TMEM132B: variants seen among roughly 807,000 people sequenced by gnomAD.
TMEM132B encodes transmembrane protein 132B.
TMEM132B carries 18 observed loss-of-function variants against 90.8 expected under a neutral mutation model. The ratio of observed to expected loss-of-function variants is 0.20; its 90% CI spans 0.14 to 0.29. TMEM132B has a LOEUF of 0.29. Among genes scored for constraint, TMEM132B ranks in the 10% least tolerant of loss-of-function variants. The pLI is 1.00. For missense variants in TMEM132B, 1,096 were observed against 1,326.8 expected, an observed-to-expected ratio of 0.83 and a Z score of 2.70; for synonymous variants, 504 against 523.3, an observed-to-expected ratio of 0.96 and a Z score of 0.50.
intron 2 of TMEM132B, among the ~76,000 whole-genome samples, chr12:125,352,116 G>A (rs1877606771): frequency 6.6e-6 from 1 of 152,182 alleles, no homozygotes; most frequent in Non-Finnish European, 1.5e-5. Context: ...AGACTGTGAG[G>A]TTCAAGTGCT....
Position 125,415,653 on chromosome 12 carries a change from G to T in TMEM132B, c.1082G>T (p.Gly361Val). ...ACGTCGGCCACCCTCACCTGCATGG[G>T]CCATCGCCCGGACACGCAGAGCAGG... ...TQTSATLTCMGHRPDTQSRVN... is the reference protein window; with the variant it reads ...TQTSATLTCMVHRPDTQSRVN... The change falls in exon 3 of 9, where the codon GGC (glycine) becomes GTC (valine). Residue 361 changes from glycine (G) to valine (V), a missense_variant. Physicochemically the swap from Gly to Val is moderately radical, Grantham distance 109 (BLOSUM62 -3). Coordinates refer to ENST00000682704, the MANE Select transcript of TMEM132B (RefSeq NM_001366854.1). This position sits in a 1 kb window ranked among gnomAD's most constrained non-coding sequence, Gnocchi z 5.3. The T allele has an allele frequency of 1.2e-6, 2 of 1,614,138 alleles. No individual in the cohort carries two copies. The highest frequency in any genetic ancestry group is 8.5e-7 in the Non-Finnish European group (1 of 1,180,034).
chr12:125,640,543 G>A (rs968799757), intron 5 of TMEM132B, among the ~76,000 whole-genome samples: 8 of 152,180 alleles, frequency 5.3e-5, no homozygotes, highest in Non-Finnish European at 1.0e-4. Flanking sequence ...GAAGGAGGCA[G>A]GTCCAGGGCA....
At chr12:125,414,750 C>T (rs1024072505) in intron 2 of TMEM132B, among the ~76,000 whole-genome samples, 2 of 152,214 alleles carry the variant, frequency 1.3e-5, no homozygotes, top group African/African-American at 4.8e-5. Context: ...GATGCATACA[C>T]AGCATTGGGC....
At chr12:125,451,540 G>A (rs1051724687) in intron 3 of TMEM132B, among the ~76,000 whole-genome samples, 1 of 151,760 alleles carries the variant, frequency 6.6e-6, no homozygotes, top group African/African-American at 2.4e-5. Flanking sequence ...TAAGTTTGAA[G>A]TTATTTCTAA....
intron 2 of TMEM132B, among the ~76,000 whole-genome samples, chr12:125,376,922 T>A (rs1878509986): frequency 6.6e-6 from 1 of 152,222 alleles, no homozygotes; most frequent in South Asian, 2.1e-4. Context: ...GTGACTGGCC[T>A]TCCAGGTCAT....
chr12:125,622,644 C>T (rs1886138485), intron 5 of TMEM132B: 5 of 985,290 alleles, frequency 5.1e-6, no homozygotes, highest in South Asian at 4.7e-5. Context: ...TTTAGGTGTC[C>T]AGCCTTCTCT....
At chr12:125,437,238 G>C (rs1880733618) in intron 3 of TMEM132B, among the ~76,000 whole-genome samples, 1 of 152,210 alleles carries the variant, frequency 6.6e-6, no homozygotes, top group Non-Finnish European at 1.5e-5. Flanking sequence ...TGCTCGTGGT[G>C]TGAACATTCC....
At chr12:125,508,072 G>A (rs1882890751) in intron 3 of TMEM132B, among the ~76,000 whole-genome samples, 1 of 152,222 alleles carries the variant, frequency 6.6e-6, no homozygotes, top group East Asian at 1.9e-4. Flanking sequence ...GGAAAGAGAA[G>A]AGTTAAGGAC....
intron 2 of TMEM132B, among the ~76,000 whole-genome samples, chr12:125,389,013 T>TACACAC (rs71447042): frequency 0.018 from 2,575 of 140,144 alleles, 28 homozygotes; most frequent in East Asian, 0.028. Context: ...ATATTTTCTG[T>TACACAC]ACACACACAC....
At chr12:125,515,268 TCA>T (rs1179058638) in intron 3 of TMEM132B, among the ~76,000 whole-genome samples, 1 of 150,474 alleles carries the variant, frequency 6.6e-6, no homozygotes, top group African/African-American at 2.5e-5. Context: ...ATTCATACAT[TCA>T]CTCACACACA....
At chr12:125,265,840 T>G (rs2136114150) in intron 1 of TMEM132B, among the ~76,000 whole-genome samples, 1 of 152,298 alleles carries the variant, frequency 6.6e-6, no homozygotes, top group African/African-American at 2.4e-5. Flanking sequence ...TCATTCTCAT[T>G]GCTGTAGAAC....
chr12:125,495,845 G>T (rs1235863812), intron 3 of TMEM132B, among the ~76,000 whole-genome samples: 1 of 152,208 alleles, frequency 6.6e-6, no homozygotes, highest in Non-Finnish European at 1.5e-5. Flanking sequence ...GTTGAGGCTG[G>T]TAGGACATTG....
intron 1 of TMEM132B, among the ~76,000 whole-genome samples, chr12:125,221,235 C>A (rs1307877532): frequency 6.6e-6 from 1 of 152,048 alleles, no homozygotes; most frequent in Non-Finnish European, 1.5e-5. Context: ...AGATATATAC[C>A]CAGGACCTAG....
intron 4 of TMEM132B, among the ~76,000 whole-genome samples, chr12:125,546,293 C>T (rs1884091401): frequency 6.6e-6 from 1 of 152,134 alleles, no homozygotes; most frequent in Non-Finnish European, 1.5e-5. Context: ...TGCCATTCTC[C>T]TGCCTTAGCC....
At chr12:125,640,024 G>GC (rs1263395841) in intron 5 of TMEM132B, among the ~76,000 whole-genome samples, 1 of 152,128 alleles carries the variant, frequency 6.6e-6, no homozygotes, top group African/African-American at 2.4e-5. Flanking sequence ...GTCAGTCTGG[G>GC]CCACGGCTGG....
intron 1 of TMEM132B, among the ~76,000 whole-genome samples, chr12:125,267,206 G>T (rs77773139): frequency 0.038 from 5,827 of 152,208 alleles, 306 homozygotes; most frequent in African/African-American, 0.12. Flanking sequence ...AGACCCAGGG[G>T]TTTCCATCTC....
intron 1 of TMEM132B, among the ~76,000 whole-genome samples, chr12:125,229,855 A>G (rs1873776205): frequency 6.6e-6 from 1 of 152,258 alleles, no homozygotes; most frequent in South Asian, 2.1e-4. Flanking sequence ...CAGTGGAAAG[A>G]GAACAGCTAT....
intron 1 of TMEM132B, among the ~76,000 whole-genome samples, chr12:125,263,575 T>C (rs1357786877): frequency 2.0e-5 from 3 of 152,226 alleles, no homozygotes; most frequent in Non-Finnish European, 4.4e-5. Context: ...TTTCTGGCCG[T>C]ATCTTCAGCA....
chr12:125,329,188 G>T (rs894320260), intron 1 of TMEM132B, among the ~76,000 whole-genome samples: 1 of 152,168 alleles, frequency 6.6e-6, no homozygotes, highest in Non-Finnish European at 1.5e-5. Context: ...CGAGGATATG[G>T]CAAGAATGCA....
Sources: allele counts gnomAD v4.1 joint callset (sites outside exome capture counted in the v4.1 genomes callset), GRCh38; gene constraint gnomAD v4.1.1; non-coding constraint Gnocchi (gnomAD v3.1); transcripts MANE v1.5; gene names NCBI Gene and HGNC (gene_info 2026-07-23, HGNC 2026-07-21).